Variants in OSBPL1A observed in about 807,000 individuals in gnomAD.
OSBPL1A encodes oxysterol-binding protein-related protein 1.
In OSBPL1A, 80 loss-of-function variants were observed where a neutral mutation model predicts 137.1. The ratio of observed to expected loss-of-function variants is 0.58; its 90% confidence interval spans 0.49 to 0.70. OSBPL1A has a LOEUF of 0.70. OSBPL1A is among the 30% of genes least tolerant of loss of function. The pLI is 0.00. For synonymous variants in OSBPL1A, 365 were observed against 389.7 expected, an observed-to-expected ratio of 0.94 and a Z score of 0.75; for missense variants, 970 against 1,129.4, an observed-to-expected ratio of 0.86 and a Z score of 2.02.
rs537969391 is a variant in OSBPL1A at position 24,218,758 on chromosome 18, T to TA, written c.1601+6283dup. ...ACTGCGCCTGGCCCAACATGGTGACTATAGTTACTAACAATGTATTATATA... is the reference window on the plus strand; with the variant it reads ...ACTGCGCCTGGCCCAACATGGTGACTAATAGTTACTAACAATGTATTATATA... On this transcript the variant is annotated intron_variant, in intron 17 of 27. Transcript: ENST00000319481. 4.8e-4 allele frequency among the ~76,000 whole-genome samples: 73 copies of TA among 152,246 alleles called. 3 individuals carry two copies. In the South Asian group the frequency reaches 0.015, roughly 32 times the overall value.
intron 11 of OSBPL1A, among the ~76,000 whole-genome samples, chr18:24,314,983 G>C (rs1233654796): frequency 6.6e-6 from 1 of 152,154 alleles, no homozygotes; most frequent in African/African-American, 2.4e-5. Flanking sequence ...GGAAAAGGTA[G>C]ATTTCTTCAA....
chr18:24,387,226 T>G (rs1011206948), intron 1 of OSBPL1A, among the ~76,000 whole-genome samples: 1 of 152,096 alleles, frequency 6.6e-6, no homozygotes, highest in African/African-American at 2.4e-5. Flanking sequence ...AGCTAATTTT[T>G]GTATTTTTTT....
At chr18:24,282,798 T>A (rs1466694617) in intron 14 of OSBPL1A, among the ~76,000 whole-genome samples, 1 of 152,108 alleles carries the variant, frequency 6.6e-6, no homozygotes, top group Non-Finnish European at 1.5e-5. Flanking sequence ...CAGAACAAGA[T>A]TTGTTAAAAG....
chr18:24,218,399 A>AT (rs2087774389), intron 17 of OSBPL1A: 1 of 152,110 alleles, frequency 6.6e-6, no homozygotes, highest in South Asian at 2.1e-4. Context: ...AGTGTCCCAT[A>AT]TTTTTTGTAG....
intron 15 of OSBPL1A, among the ~76,000 whole-genome samples, chr18:24,278,259 G>A (rs546781848): frequency 1.3e-5 from 2 of 152,290 alleles, no homozygotes; most frequent in South Asian, 4.1e-4. Flanking sequence ...TCATTCCAAT[G>A]ATAGTGGTCA....
chr18:24,178,813 C>T (rs1382212668), intron 20 of OSBPL1A, among the ~76,000 whole-genome samples: 1 of 152,002 alleles, frequency 6.6e-6, no homozygotes, highest in African/African-American at 2.4e-5. Flanking sequence ...TGTCCACTTT[C>T]AAACATCTAG....
intron 4 of OSBPL1A, among the ~76,000 whole-genome samples, chr18:24,366,063 A>G (rs1486408484): frequency 6.6e-6 from 1 of 152,134 alleles, no homozygotes; most frequent in Admixed American, 6.6e-5. Context: ...AGAGCTTCTG[A>G]CTGATGGTCT....
chr18:24,193,153 A>G (rs1330135446), intron 18 of OSBPL1A, among the ~76,000 whole-genome samples: 2 of 152,154 alleles, frequency 1.3e-5, no homozygotes, highest in African/African-American at 4.8e-5. Flanking sequence ...CCCCCACAAA[A>G]AGGACACGAA....
chr18:24,313,880 T>A (rs1471755380), intron 12 of OSBPL1A, among the ~76,000 whole-genome samples: 1 of 152,158 alleles, frequency 6.6e-6, no homozygotes, highest in Non-Finnish European at 1.5e-5. Context: ...GGCGGGCAGA[T>A]CGCCTGAGCT....
intron 21 of OSBPL1A, among the ~76,000 whole-genome samples, chr18:24,176,229 C>T (rs2086443008): frequency 6.6e-6 from 1 of 152,204 alleles, no homozygotes; most frequent in Admixed American, 6.5e-5. Flanking sequence ...TGTGCTCATA[C>T]AGACTGCTTA....
chr18:24,166,083 C>G (rs1203593613), intron 26 of OSBPL1A, among the ~76,000 whole-genome samples: 1 of 152,016 alleles, frequency 6.6e-6, no homozygotes, highest in Admixed American at 6.6e-5. Context: ...GGAGACAGAG[C>G]AAGACTCTGT....
At chr18:24,281,034 T>C in intron 14 of OSBPL1A, 86 bp from the exon 15 acceptor site, 1 of 746,304 alleles carries the variant, frequency 1.3e-6, no homozygotes, top group East Asian at 2.9e-5. Context: ...TCATATCTAT[T>C]AACCTCATCT....
At position 24,280,165 on chromosome 18, in the gene OSBPL1A, C is replaced by T. The variant is rs547714614; in HGVS notation, c.1281+677G>A. Among the ~76,000 whole-genome samples the T allele has an allele frequency of 5.3e-5, 8 of 152,210 alleles. No individual in the cohort carries two copies. The South Asian group carries it at 8.3e-4, about 16-fold the overall frequency. ...TTCATCATGTTGGCCAGACTGGTCT[C>T]GAACTCCTGACCTCAAGTGATTGCC... On this transcript the variant is annotated intron_variant, in intron 15 of 27. Transcript: ENST00000319481.
chr18:24,372,672 C>T (rs1046615947), intron 2 of OSBPL1A, among the ~76,000 whole-genome samples: 10 of 152,200 alleles, frequency 6.6e-5, no homozygotes, highest in African/African-American at 2.2e-4. Context: ...TGCCCCCATC[C>T]AAACCACACT....
chr18:24,247,930 G>A (rs2088952399), intron 15 of OSBPL1A, among the ~76,000 whole-genome samples: 2 of 152,120 alleles, frequency 1.3e-5, no homozygotes, highest in Admixed American at 6.5e-5. Context: ...AAGACAACCC[G>A]GGTTGCTTTT....
intron 27 of OSBPL1A, 111 bp from the exon 28 acceptor site, chr18:24,163,392 G>C: frequency 1.4e-6 from 1 of 728,764 alleles, no homozygotes; most frequent in East Asian, 2.7e-5. Context: ...CTGTGAGTGA[G>C]GGATAGTTCT....
intron 17 of OSBPL1A, among the ~76,000 whole-genome samples, chr18:24,215,757 T>C (rs752334171): frequency 3.3e-5 from 5 of 152,128 alleles, no homozygotes; most frequent in African/African-American, 7.2e-5. Context: ...TATGATTTAT[T>C]AGAAGATGTG....
rs935903835 is a variant in OSBPL1A at position 24,183,591 on chromosome 18, C to A, written c.1678-2312G>T. Among the ~76,000 whole-genome samples, 4 of 151,382 alleles carry A rather than the reference C, an allele frequency of 2.6e-5. 1 individual carries two copies. Among genetic ancestry groups the A allele is most frequent in the Non-Finnish European group, 5.9e-5 (4 of 68,008 alleles). ...GGAACTACAGGCGTGCAGCACCATG[C>A]CTGGCTAATTTTTTTTTTATTTTTA... On this transcript the variant is annotated intron_variant, in intron 18 of 27. Transcript: ENST00000319481.
intron 24 of OSBPL1A, among the ~76,000 whole-genome samples, 185 bp downstream of exon 24, chr18:24,170,142 A>G (rs2086240101): frequency 9.1e-6 from 1 of 110,410 alleles, no homozygotes; most frequent in South Asian, 2.7e-4. Context: ...TCCACATCCT[A>G]TACAAGGCTA....
Sources: gnomAD v4.1 joint callset for allele counts (sites outside exome capture counted in the v4.1 genomes callset) on GRCh38, gnomAD v4.1.1 for gene constraint, MANE v1.5 for transcripts, NCBI Gene and HGNC (gene_info 2026-07-23, HGNC 2026-07-21) for gene names.